MBTPS2: variants seen among roughly 807,000 people sequenced by gnomAD.
The protein encoded by MBTPS2 is membrane bound transcription factor peptidase, site 2.
A neutral mutation model predicts 35.4 loss-of-function variants in MBTPS2; 2 were observed. That is an observed-to-expected ratio of 0.06 (90% CI 0.02 to 0.18). The LOEUF (loss-of-function observed/expected upper bound fraction) is 0.18. MBTPS2 is among the 10% of genes least tolerant of loss of function. The probability of loss-of-function intolerance (pLI) is 1.00; values close to 1 mark genes in which losing one functional copy is unlikely to be tolerated. For synonymous variants in MBTPS2, 125 were observed against 140.4 expected (o/e 0.89, Z 0.77); for missense variants, 244 against 386.5 (o/e 0.63, Z 3.09).
rs1166823022 is a variant in MBTPS2 at position 21,863,184 on chromosome X, C to G, written c.671-5283C>G. Among the ~76,000 whole-genome samples the G allele has an allele frequency of 5.2e-5, 5 of 96,570 alleles. No homozygotes were observed. In the East Asian group the frequency reaches 1.7e-3, roughly 32 times the overall value. The allele number at this position is 96,570 out of a possible 115,157, so 83.9% of individuals were successfully genotyped here. A position where few individuals can be genotyped will look rare whatever the true frequency, so the allele number is the denominator to read the frequency against. On this transcript the variant is annotated intron_variant, in intron 5 of 10. Coordinates refer to ENST00000379484, the MANE Select transcript of MBTPS2 (RefSeq NM_015884.4). Reference sequence around the variant, plus strand: ...TTAGGACACTGAGTCAGGAGTGTTGCTTGAGCCCAGGAGGCGGAGGTTTCA... The same window carrying G: ...TTAGGACACTGAGTCAGGAGTGTTGGTTGAGCCCAGGAGGCGGAGGTTTCA...
intron 3 of MBTPS2, among the ~76,000 whole-genome samples, chrX:21,846,064 G>GT (rs1383599685): frequency 4.2e-4 from 46 of 110,285 alleles, no homozygotes; most frequent in Non-Finnish European, 5.3e-4. Context: ...AACAGATTGG[G>GT]TTTTTTTTTC....
chrX:21,868,181 G>A (rs1445873076), intron 5 of MBTPS2, among the ~76,000 whole-genome samples: 1 of 111,621 alleles, frequency 9.0e-6, no homozygotes, highest in Non-Finnish European at 1.9e-5. Flanking sequence ...TTTCTGAAAA[G>A]AGAGTATAAT....
rs16981675 is a variant in MBTPS2, at chrX:21,843,514, T to C, written c.224+196T>C. 0.024 allele frequency among the ~76,000 whole-genome samples: 2,644 copies of C among 111,825 alleles called. 99 individuals carry two copies. The highest frequency in any genetic ancestry group is 0.08 in the African/African-American group (2,471 of 30,761). ...TGCATACATTAAAAATCAAGGCATT[T>C]ATGGCAATTTATAGTTAGGGGCTTT... On this transcript the variant is annotated intron_variant, in intron 2 of 10. Transcript: ENST00000379484.
At chrX:21,879,668 C>A (rs2092956828) in intron 9 of MBTPS2, among the ~76,000 whole-genome samples, 1 of 111,091 alleles carries the variant, frequency 9.0e-6, no homozygotes, top group Non-Finnish European at 1.9e-5. Context: ...ACTCCATAAC[C>A]ATTAAGTAGT....
chrX:21,868,805 A>C (rs1484594366), intron 6 of MBTPS2, among the ~76,000 whole-genome samples: 2 of 112,635 alleles, frequency 1.8e-5, no homozygotes, highest in African/African-American at 6.4e-5. Flanking sequence ...TGCTGTACTT[A>C]GGAAGATAGT....
At chrX:21,842,365 T>TA (rs1379730239) in intron 1 of MBTPS2, among the ~76,000 whole-genome samples, 1 of 111,648 alleles carries the variant, frequency 9.0e-6, no homozygotes, top group Non-Finnish European at 1.9e-5. Flanking sequence ...CCTAACTTCT[T>TA]AGAGTTGTTG....
In MBTPS2 at chrX:21,843,312, A is replaced by G. The variant is rs149889191; in HGVS notation, c.218A>G (p.Tyr73Cys). Reference protein sequence around the residue: ...SWGRRKARMLYQWFNFGMVFG... With the variant: ...SWGRRKARMLCQWFNFGMVFG... ...GGACGGCGGAAAGCAAGGATGCTTT[A>G]CCAATGGTATTCTTCATCTTCTTTT... Residue 73 changes from tyrosine (Y) to cysteine (C), a missense_variant, in exon 2 of 11, where the codon TAC (tyrosine) becomes TGC (cysteine). By Grantham distance (194) the Tyr-to-Cys change is radical. Transcript: ENST00000379484. 2.3e-4 allele frequency: 277 copies of G among 1,208,412 alleles called. No homozygotes were observed. Among genetic ancestry groups the G allele is most frequent in the Non-Finnish European group, 2.9e-4 (256 of 893,653 alleles).
chrX:21,866,336 A>C (rs1427838641), intron 5 of MBTPS2, among the ~76,000 whole-genome samples: 1 of 109,783 alleles, frequency 9.1e-6, no homozygotes, highest in Admixed American at 9.7e-5. Flanking sequence ...CCAAACAGGA[A>C]GGAAAAGATG....
At chrX:21,850,028 AAAAAAAAAAAAAAAAAAAAAAGAG>A (rs2092913173) in intron 3 of MBTPS2, among the ~76,000 whole-genome samples, 1 of 98,268 alleles carries the variant, frequency 1.0e-5, no homozygotes, top group Non-Finnish European at 2.1e-5. Context: ...CTCCGTCTCA[AAAAAAAAAAAAAAAAAAAAAAGAG>A]ACAGGACCTC....
chrX:21,848,717 A>G (rs2092911324), intron 3 of MBTPS2, among the ~76,000 whole-genome samples: 1 of 111,260 alleles, frequency 9.0e-6, no homozygotes, highest in Non-Finnish European at 1.9e-5. Flanking sequence ...AACAACAACA[A>G]CAACAAAAAT....
intron 1 of MBTPS2, among the ~76,000 whole-genome samples, chrX:21,841,312 T>G (rs1380650272): frequency 9.0e-6 from 1 of 111,029 alleles, no homozygotes; most frequent in Non-Finnish European, 1.9e-5. Context: ...TCCCAGCTAC[T>G]CTGGAGGCTG....
chrX:21,862,941 T>TATAAAC (rs2092934343), intron 5 of MBTPS2, among the ~76,000 whole-genome samples: 1 of 41,520 alleles, frequency 2.4e-5, no homozygotes, highest in African/African-American at 1.2e-4. Flanking sequence ...AACATATATA[T>TATAAAC]ATATATATAT....
rs150455099 is a variant in MBTPS2, at chrX:21,882,941, C to A, written c.*286C>A. 1.0e-5 allele frequency: 10 copies of A among 964,610 alleles called. 1 individual carries two copies. In the East Asian group the frequency reaches 2.4e-4, roughly 23 times the overall value. The allele number at this position is 964,610 out of a possible 1,213,427, so 79.5% of individuals were successfully genotyped here. A position where few individuals can be genotyped will look rare whatever the true frequency, so the allele number is the denominator to read the frequency against. ...AAGCAAGTGCAAATTCATGTAATAC[C>A]GTTTTGTCTGATTACATATTGTGTT... On this transcript the variant is annotated 3_prime_UTR_variant, in exon 11 of 11. Coordinates refer to ENST00000379484, the MANE Select transcript of MBTPS2 (RefSeq NM_015884.4).
At chrX:21,845,836 T>G (rs2092908127) in intron 3 of MBTPS2, among the ~76,000 whole-genome samples, 1 of 112,541 alleles carries the variant, frequency 8.9e-6, no homozygotes, top group Admixed American at 9.4e-5. Context: ...GAATGGTCAC[T>G]GTGATTTCTT....
chrX:21,844,697 A>G (rs2092906639), intron 2 of MBTPS2, among the ~76,000 whole-genome samples: 1 of 110,158 alleles, frequency 9.1e-6, no homozygotes, highest in South Asian at 3.9e-4. Context: ...CCACTATACA[A>G]TGGTAGCTTT....
At chrX:21,851,050 A>T (rs1312425805) in intron 3 of MBTPS2, among the ~76,000 whole-genome samples, 2 of 111,962 alleles carry the variant, frequency 1.8e-5, no homozygotes, top group Non-Finnish European at 3.8e-5. Flanking sequence ...ATATTAATCA[A>T]CACAAGTACT....
At chrX:21,870,762 G>T (rs748904495) in intron 7 of MBTPS2, 30 of 112,210 alleles carry the variant, frequency 2.7e-4, no homozygotes, top group African/African-American at 9.4e-4. Flanking sequence ...GCAGATGACA[G>T]AGCTGAGGCA....
chrX:21,849,297 T>C (rs1289230901), intron 3 of MBTPS2, among the ~76,000 whole-genome samples: 1 of 112,309 alleles, frequency 8.9e-6, no homozygotes, highest in South Asian at 3.7e-4. Flanking sequence ...ATGCTGATAT[T>C]TGAAGTGATC....
intron 5 of MBTPS2, among the ~76,000 whole-genome samples, chrX:21,862,683 C>T (rs1250672568): frequency 4.8e-5 from 5 of 104,275 alleles, no homozygotes; most frequent in South Asian, 4.4e-4. Flanking sequence ...TGGTGGGGGG[C>T]GCCTGTAGTC....
Sources: allele counts gnomAD v4.1 joint callset (sites outside exome capture counted in the v4.1 genomes callset), GRCh38; gene constraint gnomAD v4.1.1; transcripts MANE v1.5; gene names NCBI Gene and HGNC (gene_info 2026-07-23, HGNC 2026-07-21).